Variants in SEC14L6 observed in about 807,000 individuals in gnomAD.
The protein encoded by SEC14L6 is SEC14 like lipid binding 6, also known as SEC14-like protein 6.
Under a neutral mutation model 54.1 loss-of-function variants are expected in SEC14L6, and 40 were observed. The ratio of observed to expected loss-of-function variants is 0.74; its 90% CI spans 0.57 to 0.96. The LOEUF (loss-of-function observed/expected upper bound fraction) is 0.96, where lower values mean the gene tolerates loss of function less well. Ranked by LOEUF, SEC14L6 falls within the 40% of genes least tolerant of loss-of-function variation. SEC14L6 has a pLI of 0.00. For synonymous variants in SEC14L6, 171 were observed against 198.4 expected, an observed-to-expected ratio of 0.86 and a Z score of 1.16; for missense variants, 471 against 498.3, an observed-to-expected ratio of 0.95 and a Z score of 0.52.
At chr22:30,542,471 A>T (rs968485764) in intron 1 of SEC14L6, 3 of 563,712 alleles carry the variant, frequency 5.3e-6, no homozygotes, top group Non-Finnish European at 8.7e-6. Flanking sequence ...CTGACCTCAG[A>T]AAAACAAGTT....
At chr22:30,532,376 G>T in intron 5 of SEC14L6, 149 bp downstream of exon 5, 2 of 1,327,218 alleles carry the variant, frequency 1.5e-6, no homozygotes, top group Non-Finnish European at 2.0e-6. Flanking sequence ...CCTTGGGTGG[G>T]TCCTTGGCCT....
chr22:30,528,757 A>G (rs916333498), intron 8 of SEC14L6, among the ~76,000 whole-genome samples: 1 of 152,010 alleles, frequency 6.6e-6, no homozygotes, highest in African/African-American at 2.4e-5. Context: ...CATTAAACAG[A>G]TGAGGAAACC....
At chr22:30,544,175 G>A (rs1286840744) in intron 1 of SEC14L6, 1 of 924,920 alleles carries the variant, frequency 1.1e-6, no homozygotes, top group Non-Finnish European at 1.6e-6. Flanking sequence ...CCAGTTCCCG[G>A]AGGGCTGGGG....
chr22:30,527,172 A>G (rs1166930120), intron 8 of SEC14L6, among the ~76,000 whole-genome samples: 1 of 151,696 alleles, frequency 6.6e-6, no homozygotes, highest in Non-Finnish European at 1.5e-5. Flanking sequence ...ACACATATCT[A>G]TATATATGGA....
chr22:30,529,908 G>A (rs538775170), intron 6 of SEC14L6, among the ~76,000 whole-genome samples: 1 of 152,150 alleles, frequency 6.6e-6, no homozygotes, highest in Non-Finnish European at 1.5e-5. Flanking sequence ...TAGTTGCAAG[G>A]AATGGCTTTT....
rs1936930542 is a variant in SEC14L6 at position 30,530,399 on chromosome 22, A to C, written c.520-1050T>G. On this transcript the variant is annotated intron_variant, in intron 6 of 11. Transcript: ENST00000402034. ...GGGCAACAGAGTGAGACTCCGTCTCAAAAAACAAAAGAAAACAAAAAAACT... is the reference window on the plus strand; with the variant it reads ...GGGCAACAGAGTGAGACTCCGTCTCCAAAAACAAAAGAAAACAAAAAAACT... 2.6e-5 allele frequency among the ~76,000 whole-genome samples: 4 copies of C among 152,262 alleles called. No homozygotes were observed. The South Asian group carries it at 8.3e-4, about 32-fold the overall frequency.
intron 1 of SEC14L6, among the ~76,000 whole-genome samples, chr22:30,540,782 G>C (rs2085691854): frequency 6.6e-6 from 1 of 151,518 alleles, no homozygotes; most frequent in African/African-American, 2.4e-5. Flanking sequence ...ACTTTGGGAG[G>C]CCAAGGCGGG....
At chr22:30,537,025 A>AG (rs2085611803) in intron 2 of SEC14L6, among the ~76,000 whole-genome samples, 1 of 145,582 alleles carries the variant, frequency 6.9e-6, no homozygotes, top group Admixed American at 6.8e-5. Context: ...CTGACTCAAA[A>AG]AAAAAAAAAA....
chr22:30,525,935 G>C lies in SEC14L6; in HGVS notation c.665-3C>G, dbSNP rs754572127. Reference sequence around the variant, plus strand: ...TGTCAGCTCCTGCTTCCAGTTGTCTGCATGGGAGCAAGAGAGGGACTCCAA... The same window carrying C: ...TGTCAGCTCCTGCTTCCAGTTGTCTCCATGGGAGCAAGAGAGGGACTCCAA... On this transcript the variant is annotated splice_region_variant and splice_polypyrimidine_tract_variant and intron_variant, in intron 8 of 11. Coordinates refer to ENST00000402034, the MANE Select transcript of SEC14L6 (RefSeq NM_001193336.4). 2.9e-5 allele frequency: 47 copies of C among 1,595,670 alleles called. 1 individual carries two copies. The Admixed American group carries it at 8.2e-4, about 28-fold the overall frequency.
At chr22:30,543,224 G>A (rs1281690395) in intron 1 of SEC14L6, 17 of 1,602,246 alleles carry the variant, frequency 1.1e-5, no homozygotes, top group Non-Finnish European at 1.4e-5. Context: ...GTGCTGACCC[G>A]CGGGGACATT....
intron 2 of SEC14L6, among the ~76,000 whole-genome samples, chr22:30,538,011 G>A (rs2085629179): frequency 6.6e-6 from 1 of 152,164 alleles, no homozygotes; most frequent in South Asian, 2.1e-4. Flanking sequence ...ACACTGAGCA[G>A]GGCTGAGCTG....
chr22:30,533,851 C>G, intron 3 of SEC14L6, 145 bp downstream of exon 3: 2 of 746,538 alleles, frequency 2.7e-6, no homozygotes, highest in Non-Finnish European at 4.4e-6. Flanking sequence ...CAGCGCCTAG[C>G]ACCAGGCCAG....
intron 2 of SEC14L6, among the ~76,000 whole-genome samples, chr22:30,536,801 G>A (rs868529633): frequency 6.6e-6 from 1 of 151,954 alleles, no homozygotes; most frequent in African/African-American, 2.4e-5. Context: ...GAGGCAGGTG[G>A]ATCACTTGAG....
intron 5 of SEC14L6, 62 bp from the exon 6 acceptor site, chr22:30,532,060 G>A (rs1936995888): frequency 1.3e-6 from 2 of 1,527,908 alleles, no homozygotes; most frequent in Non-Finnish European, 1.8e-6. Flanking sequence ...CATCCAAGAT[G>A]GGGCTGGGCC....
chr22:30,529,658 G>A (rs181170038), intron 6 of SEC14L6, among the ~76,000 whole-genome samples: 5 of 152,100 alleles, frequency 3.3e-5, no homozygotes, highest in Admixed American at 3.3e-4. Context: ...TGCCCAGGCT[G>A]GTCTTGAACT....
At chr22:30,542,779 A>G in intron 1 of SEC14L6, 1 of 1,594,160 alleles carries the variant, frequency 6.3e-7, no homozygotes, top group Non-Finnish European at 8.6e-7. Context: ...CCAACGGTTC[A>G]GAGGAGCTGG....
At chr22:30,529,236 C>T in intron 7 of SEC14L6, 53 bp downstream of exon 7, 1 of 1,545,538 alleles carries the variant, frequency 6.5e-7, no homozygotes, top group Non-Finnish European at 8.8e-7. Context: ...CACCCGGTCA[C>T]CGCACATCCC....
chr22:30,541,217 A>T (rs1167081822), intron 1 of SEC14L6, among the ~76,000 whole-genome samples: 1 of 151,952 alleles, frequency 6.6e-6, no homozygotes, highest in Non-Finnish European at 1.5e-5. Context: ...TTTATTTTTT[A>T]ATTTTATTTT....
At position 30,523,539 on chromosome 22, in the gene SEC14L6, G is replaced by A. The variant is rs941743943; in HGVS notation, c.*1458C>T. 7 of 152,244 alleles carry A rather than the reference G, an allele frequency of 4.6e-5. 1 individual carries two copies. Among genetic ancestry groups the A allele is most frequent in the East Asian group, 1.9e-4 (1 of 5,170 alleles). 9.4% of individuals were successfully genotyped at this position (152,244 alleles called of 1,614,324 possible). On this transcript the variant is annotated 3_prime_UTR_variant, in exon 12 of 12. Transcript: ENST00000402034. Reference sequence around the variant, plus strand: ...CACCCAACTAATTTGTGTATGTTTCGTAGAGACGGGGTTTCGCCATGTTGT... The same window carrying A: ...CACCCAACTAATTTGTGTATGTTTCATAGAGACGGGGTTTCGCCATGTTGT...
Sources: allele counts gnomAD v4.1 joint callset (sites outside exome capture counted in the v4.1 genomes callset), GRCh38; gene constraint gnomAD v4.1.1; transcripts MANE v1.5; gene names NCBI Gene and HGNC (gene_info 2026-07-23, HGNC 2026-07-21).